The following RNF169 variants were observed in gnomAD, a reference collection of about 807,000 sequenced individuals.
RNF169 encodes the protein E3 ubiquitin-protein ligase RNF169.
Under a neutral mutation model 53.9 loss-of-function variants are expected in RNF169, and 24 were observed. That is an observed-to-expected ratio of 0.45 (90% CI 0.32 to 0.63). The LOEUF is 0.63. Among genes scored for constraint, RNF169 ranks in the 20% least tolerant of loss-of-function variants. The pLI is 0.04. For missense variants in RNF169, 883 were observed against 906.2 expected (o/e 0.97, Z 0.33); for synonymous variants, 396 against 363.5 (o/e 1.09, Z -1.02).
At chr11:74,756,517 G>T (rs1383244386) in intron 1 of RNF169, among the ~76,000 whole-genome samples, 4 of 152,202 alleles carry the variant, frequency 2.6e-5, no homozygotes, top group African/African-American at 9.7e-5. Flanking sequence ...TATATGAAGA[G>T]CTAGGTCAAC....
chr11:74,802,047 C>G, intron 2 of RNF169, among the ~76,000 whole-genome samples: 1 of 152,208 alleles, frequency 6.6e-6, no homozygotes, highest in East Asian at 1.9e-4. Flanking sequence ...AATTAAACAC[C>G]GTGAGACTGT....
Position 74,839,675 on chromosome 11 carries a change from T to G in RNF169, c.*2945T>G, listed in dbSNP as rs1293388455. 6.6e-6 allele frequency: 1 copy of G among 152,214 alleles called. No individual in the cohort carries two copies. The allele number at this position is 152,214 out of a possible 1,614,324, so 9.4% of individuals were successfully genotyped here. ...TTAGGGGGGAGGGTGAAGGTCAGTC[T>G]GAGGGGAAATCCAGGAAATGTGGTG... On this transcript the variant is annotated 3_prime_UTR_variant, in exon 6 of 6. Transcript: ENST00000299563.
intron 2 of RNF169, among the ~76,000 whole-genome samples, chr11:74,800,972 T>C (rs1196204856): frequency 6.6e-6 from 1 of 152,240 alleles, no homozygotes; most frequent in Non-Finnish European, 1.5e-5. Context: ...AAAATGCATG[T>C]AATAATTTAA....
At chr11:74,793,987 GAT>G (rs900565592) in intron 2 of RNF169, among the ~76,000 whole-genome samples, 1 of 151,818 alleles carries the variant, frequency 6.6e-6, no homozygotes, top group Non-Finnish European at 1.5e-5. Flanking sequence ...ATGAGATCAT[GAT>G]ATATATATAT....
At chr11:74,813,095 G>T (rs2035896160) in intron 3 of RNF169, among the ~76,000 whole-genome samples, 1 of 152,104 alleles carries the variant, frequency 6.6e-6, no homozygotes, top group African/African-American at 2.4e-5. Flanking sequence ...AAGCCTATAG[G>T]AGTTCCTCTT....
intron 2 of RNF169, among the ~76,000 whole-genome samples, chr11:74,800,937 C>G (rs1301465147): frequency 6.6e-6 from 1 of 152,144 alleles, no homozygotes; most frequent in African/African-American, 2.4e-5. Context: ...TGGATGCCTG[C>G]AATTCATTTT....
At chr11:74,779,325 A>C (rs1465602731) in intron 1 of RNF169, among the ~76,000 whole-genome samples, 1 of 152,140 alleles carries the variant, frequency 6.6e-6, no homozygotes, top group Non-Finnish European at 1.5e-5. Context: ...CTACTACCAT[A>C]GTAGTAATCG....
chr11:74,781,008 C>T (rs1350725484), intron 1 of RNF169, among the ~76,000 whole-genome samples: 1 of 152,158 alleles, frequency 6.6e-6, no homozygotes, highest in East Asian at 1.9e-4. Context: ...ACCTAGCTCC[C>T]AGGGTGTTTG....
intron 1 of RNF169, among the ~76,000 whole-genome samples, chr11:74,762,736 G>T (rs970352242): frequency 6.6e-6 from 1 of 152,138 alleles, no homozygotes; most frequent in Non-Finnish European, 1.5e-5. Context: ...CCCAAAAGCT[G>T]CATAATAAAG....
At chr11:74,764,882 T>C (rs2035148148) in intron 1 of RNF169, among the ~76,000 whole-genome samples, 1 of 152,216 alleles carries the variant, frequency 6.6e-6, no homozygotes, top group South Asian at 2.1e-4. Flanking sequence ...GACAGAGATA[T>C]TGATCAACTT....
chr11:74,841,955 T>A lies in RNF169; in HGVS notation c.*5225T>A, dbSNP rs562297658. 34 of 151,994 alleles carry A rather than the reference T, an allele frequency of 2.2e-4. No homozygotes were observed. Among genetic ancestry groups the A allele is most frequent in the African/African-American group, 8.2e-4 (34 of 41,440 alleles). The allele number at this position is 151,994 out of a possible 1,614,324, so 9.4% of individuals were successfully genotyped here. ...CCAGCAGAGCACTTAAAAGTCCTAG[T>A]GAGAGAATAGATACTATGCAAGGGA... On this transcript the variant is annotated 3_prime_UTR_variant, in exon 6 of 6. Coordinates refer to ENST00000299563, the MANE Select transcript of RNF169 (RefSeq NM_001098638.2).
intron 3 of RNF169, among the ~76,000 whole-genome samples, chr11:74,814,192 C>A (rs543998719): frequency 1.5e-4 from 23 of 151,812 alleles, no homozygotes; most frequent in African/African-American, 4.6e-4. Context: ...CATGGTGGCA[C>A]GTGTCTGTAG....
intron 2 of RNF169, among the ~76,000 whole-genome samples, chr11:74,795,843 T>G (rs1000351248): frequency 1.3e-5 from 2 of 152,012 alleles, no homozygotes; most frequent in African/African-American, 4.8e-5. Context: ...GGTGACAGAG[T>G]AAGACTCTTG....
At chr11:74,826,058 G>A (rs2036091444) in intron 4 of RNF169, among the ~76,000 whole-genome samples, 1 of 152,096 alleles carries the variant, frequency 6.6e-6, no homozygotes, top group African/African-American at 2.4e-5. Flanking sequence ...AGAAGCAATG[G>A]CTCACATCTG....
Position 74,768,260 on chromosome 11 carries a change from G to A in RNF169, c.502+18878G>A, listed in dbSNP as rs950454389. Among the ~76,000 whole-genome samples the A allele has an allele frequency of 1.7e-4, 26 of 152,204 alleles. No homozygotes were observed. The East Asian group carries it at 5.0e-3, about 29-fold the overall frequency. ...AAAGGTGTCATTTTTACTTTTCATG[G>A]GTGGTTAGCTAACCTTAGAGAAAAA... On this transcript the variant is annotated intron_variant, in intron 1 of 5. Coordinates refer to ENST00000299563, the MANE Select transcript of RNF169 (RefSeq NM_001098638.2).
In RNF169 at chr11:74,810,280, G is replaced by A. The variant is rs1374170303; in HGVS notation, c.673G>A (p.Glu225Lys). Reference protein sequence around the residue: ...DTETGKRKMDEQKKRDEPLVL... With the variant: ...DTETGKRKMDKQKKRDEPLVL... ...AGAAACAGGGAAAAGGAAAATGGAT[G>A]AACAGAAAAAAAGAGATGAACCATT... Residue 225 changes from glutamate to lysine, a missense_variant, in exon 3 of 6, where the codon GAA becomes AAA. Physicochemically the swap from Glu to Lys is moderately conservative, Grantham distance 56. Transcript: ENST00000299563. 2 of 1,613,474 alleles carry A rather than the reference G, an allele frequency of 1.2e-6. No individual in the cohort carries two copies. The highest frequency in any genetic ancestry group is 1.7e-6 in the Non-Finnish European group (2 of 1,179,710).
At chr11:74,775,276 T>C (rs964110081) in intron 1 of RNF169, among the ~76,000 whole-genome samples, 1 of 152,228 alleles carries the variant, frequency 6.6e-6, no homozygotes, top group African/African-American at 2.4e-5. Context: ...ATTGATCTTA[T>C]ACATTAATAG....
chr11:74,774,611 G>T (rs900351547), intron 1 of RNF169, among the ~76,000 whole-genome samples: 1 of 152,090 alleles, frequency 6.6e-6, no homozygotes, highest in Non-Finnish European at 1.5e-5. Context: ...TGGTAATGTG[G>T]TAGGACAAAG....
chr11:74,770,044 A>C (rs891290151), intron 1 of RNF169, among the ~76,000 whole-genome samples: 4 of 152,202 alleles, frequency 2.6e-5, no homozygotes, highest in African/African-American at 9.7e-5. Context: ...CTCCTGCCTC[A>C]GTCTCTCAAA....
Sources: gnomAD v4.1 joint callset for allele counts (sites outside exome capture counted in the v4.1 genomes callset) on GRCh38, gnomAD v4.1.1 for gene constraint, MANE v1.5 for transcripts, NCBI Gene and HGNC (gene_info 2026-07-23, HGNC 2026-07-21) for gene names.